MNAT1: variants seen among roughly 807,000 people sequenced by gnomAD.
MNAT1 encodes the protein MNAT1 component of CDK activating kinase, also known as CDK-activating kinase assembly factor MAT1.
Under a neutral mutation model 42.0 loss-of-function variants are expected in MNAT1, and 43 were observed. The observed-to-expected ratio is 1.02, with a 90% CI of 0.80 to 1.32. MNAT1 has a LOEUF of 1.32. MNAT1 is among the 40% of genes most tolerant of loss of function. MNAT1 has a pLI of 0.00. For synonymous variants in MNAT1, 118 were observed against 120.0 expected (o/e 0.98, Z 0.11); for missense variants, 306 against 350.4 (o/e 0.87, Z 1.01).
intron 6 of MNAT1, among the ~76,000 whole-genome samples, chr14:60,852,843 A>G (rs923158017): frequency 7.9e-5 from 12 of 152,192 alleles, no homozygotes; most frequent in Non-Finnish European, 1.6e-4. Context: ...TTTGTCAAAG[A>G]TCAGATGGTT....
intron 1 of MNAT1, among the ~76,000 whole-genome samples, chr14:60,765,183 G>A (rs895553729): frequency 1.3e-5 from 2 of 152,172 alleles, no homozygotes; most frequent in African/African-American, 2.4e-5. Context: ...CCTGGGAGGC[G>A]GAGGTTGCAG....
chr14:60,826,615 G>T (rs1020115424), intron 6 of MNAT1, among the ~76,000 whole-genome samples: 2 of 151,834 alleles, frequency 1.3e-5, no homozygotes, highest in South Asian at 4.2e-4. Context: ...CACCGCACCC[G>T]GACAGAAACT....
intron 6 of MNAT1, among the ~76,000 whole-genome samples, chr14:60,821,611 G>GTTTTT (rs1218107243): frequency 6.6e-6 from 1 of 152,146 alleles, no homozygotes; most frequent in Non-Finnish European, 1.5e-5. Context: ...CATCGATCAA[G>GTTTTT]TGTGATTTTC....
chr14:60,956,624 G>C (rs1026340298), intron 7 of MNAT1, among the ~76,000 whole-genome samples: 3 of 152,028 alleles, frequency 2.0e-5, no homozygotes, highest in Admixed American at 1.3e-4. Flanking sequence ...TTATTGTATT[G>C]CTGTCTATTT....
At chr14:60,958,541 T>G (rs1034024186) in intron 7 of MNAT1, among the ~76,000 whole-genome samples, 3 of 152,090 alleles carry the variant, frequency 2.0e-5, no homozygotes, top group Non-Finnish European at 2.9e-5. Flanking sequence ...TCATGTACCT[T>G]GATGTTTATA....
intron 7 of MNAT1, among the ~76,000 whole-genome samples, chr14:60,926,624 C>T (rs2035771791): frequency 6.6e-6 from 1 of 152,180 alleles, no homozygotes; most frequent in Non-Finnish European, 1.5e-5. Context: ...TTGGGGAGCA[C>T]AGAGCTTCCA....
intron 7 of MNAT1, among the ~76,000 whole-genome samples, chr14:60,904,269 T>G (rs1279545821): frequency 6.6e-6 from 1 of 152,266 alleles, no homozygotes; most frequent in Non-Finnish European, 1.5e-5. Context: ...AATATGCATG[T>G]GTATATAACA....
At chr14:60,948,152 T>C (rs1354948327) in intron 7 of MNAT1, among the ~76,000 whole-genome samples, 1 of 152,184 alleles carries the variant, frequency 6.6e-6, no homozygotes, top group Non-Finnish European at 1.5e-5. Flanking sequence ...CTGAAGGGGC[T>C]GAGCATGGTG....
In MNAT1 at chr14:60,796,251, G is replaced by C; in HGVS notation, c.124G>C (p.Gly42Arg). 1.2e-6 allele frequency: 2 copies of C among 1,611,966 alleles called. No individual in the cohort carries two copies. The highest frequency in any genetic ancestry group is 2.2e-5 in the South Asian group (2 of 90,602). ...TTGTGTAGATTTACTGTTTGTGAGA[G>C]GAGCTGGAAACTGCCCTGAGTGTGG... ...ESCVDLLFVR[G>R]AGNCPECGTP... is the part of the protein sequence containing the mutation. The change falls in exon 2 of 8, where the codon GGA becomes CGA. Residue 42 changes from glycine (G) to arginine (R), a missense_variant. Physicochemically the swap from Gly to Arg is moderately radical, Grantham distance 125 (BLOSUM62 -2). Transcript: ENST00000261245.
At chr14:60,909,023 T>A (rs1291614397) in intron 7 of MNAT1, among the ~76,000 whole-genome samples, 1 of 152,196 alleles carries the variant, frequency 6.6e-6, no homozygotes, top group Non-Finnish European at 1.5e-5. Flanking sequence ...TTCTAACTGG[T>A]GTGAGATGGT....
intron 5 of MNAT1, among the ~76,000 whole-genome samples, chr14:60,817,490 CA>C (rs2032750435): frequency 1.3e-5 from 2 of 151,918 alleles, no homozygotes; most frequent in African/African-American, 4.8e-5. Context: ...AACTTTGTAA[CA>C]TTGCTCTTGC....
intron 6 of MNAT1, among the ~76,000 whole-genome samples, chr14:60,847,230 C>T (rs949656156): frequency 2.6e-5 from 4 of 151,946 alleles, no homozygotes; most frequent in African/African-American, 9.7e-5. Flanking sequence ...CGGTGAAACC[C>T]CGTCTCTACT....
intron 1 of MNAT1, among the ~76,000 whole-genome samples, chr14:60,773,104 A>C (rs1290051286): frequency 6.6e-6 from 1 of 151,724 alleles, no homozygotes; most frequent in Non-Finnish European, 1.5e-5. Flanking sequence ...CATCCAGCTA[A>C]TTTTTGTATT....
chr14:60,756,139 T>C (rs1186577595), intron 1 of MNAT1, among the ~76,000 whole-genome samples: 1 of 152,316 alleles, frequency 6.6e-6, no homozygotes, highest in East Asian at 1.9e-4. Context: ...TAATGGACTA[T>C]GGGATAAGAA....
chr14:60,785,674 G>C (rs552577994), intron 1 of MNAT1, among the ~76,000 whole-genome samples: 1 of 152,030 alleles, frequency 6.6e-6, no homozygotes, highest in Non-Finnish European at 1.5e-5. Flanking sequence ...GCTTTATATA[G>C]CTTATATAAT....
At position 60,953,862 on chromosome 14, in the gene MNAT1, T is replaced by C. The variant is rs79076384; in HGVS notation, c.810-14367T>C. On this transcript the variant is annotated intron_variant, in intron 7 of 7. Coordinates refer to ENST00000261245, the MANE Select transcript of MNAT1 (RefSeq NM_002431.4). ...ATACCTCATTGTGATTTTAATTTGTTTTGCCTGGTGATTAGTGATGTTAAA... is the reference window on the plus strand; with the variant it reads ...ATACCTCATTGTGATTTTAATTTGTCTTGCCTGGTGATTAGTGATGTTAAA... Among the ~76,000 whole-genome samples the C allele has an allele frequency of 5.4e-3, 826 of 152,304 alleles. 14 individuals are homozygous for C. Among genetic ancestry groups the C allele is most frequent in the African/African-American group, 0.019 (774 of 41,572 alleles).
chr14:60,739,170 A>C (rs1896393422), intron 1 of MNAT1, among the ~76,000 whole-genome samples: 1 of 152,078 alleles, frequency 6.6e-6, no homozygotes. Context: ...GAGGTAAGGA[A>C]GATTGGAGAG....
intron 1 of MNAT1, among the ~76,000 whole-genome samples, chr14:60,735,995 G>C (rs79994010): frequency 0.012 from 1,890 of 152,258 alleles, 42 homozygotes; most frequent in African/African-American, 0.043. Flanking sequence ...AGGGTCTTTA[G>C]GTAAGCATAA....
chr14:60,819,055 T>A (rs1173165956), intron 6 of MNAT1, among the ~76,000 whole-genome samples: 3 of 152,092 alleles, frequency 2.0e-5, no homozygotes, highest in African/African-American at 7.2e-5. Flanking sequence ...TTTTTTTGTA[T>A]GTGAATTGGG....
Sources: gnomAD v4.1 joint callset for allele counts (sites outside exome capture counted in the v4.1 genomes callset) on GRCh38, gnomAD v4.1.1 for gene constraint, MANE v1.5 for transcripts, NCBI Gene and HGNC (gene_info 2026-07-23, HGNC 2026-07-21) for gene names.